MLC1: variants seen among roughly 807,000 people sequenced by gnomAD.
MLC1 encodes the protein modulator of VRAC current 1.
Under a neutral mutation model 44.7 loss-of-function variants are expected in MLC1, and 32 were observed. The observed-to-expected ratio is 0.72, with a 90% CI of 0.54 to 0.96. The LOEUF (loss-of-function observed/expected upper bound fraction) is 0.96. Among genes scored for constraint, MLC1 ranks in the 40% least tolerant of loss-of-function variants. The pLI, the probability that MLC1 is intolerant of heterozygous loss-of-function variation, is 0.00. For synonymous variants in MLC1, 190 were observed against 213.0 expected, an observed-to-expected ratio of 0.89 and a Z score of 0.94; for missense variants, 459 against 492.2, an observed-to-expected ratio of 0.93 and a Z score of 0.64.
chr22:50,073,558 C>A (rs956597755), intron 8 of MLC1, among the ~76,000 whole-genome samples: 1 of 152,102 alleles, frequency 6.6e-6, no homozygotes, highest in Non-Finnish European at 1.5e-5. Flanking sequence ...TGGCAAAACC[C>A]GGTCTCTACT....
At position 50,061,253 on chromosome 22, in the gene MLC1, G is replaced by A; in HGVS notation, c.*330C>T. On this transcript the variant is annotated 3_prime_UTR_variant, in exon 12 of 12. Coordinates refer to ENST00000311597, the MANE Select transcript of MLC1 (RefSeq NM_015166.4). ...CCAGCCCAAGCCATGAGAGAGGCAG[G>A]AAGAGGAGCTGGGGCCAGTTCAGGG... 1 of 421,118 alleles carries A rather than the reference G, an allele frequency of 2.4e-6. No individual in the cohort carries two copies. The highest frequency in any genetic ancestry group is 4.5e-6 in the Non-Finnish European group (1 of 223,960). The allele number at this position is 421,118 out of a possible 1,614,324, so 26.1% of individuals were successfully genotyped here.
At chr22:50,067,308 A>G (rs1175964321) in intron 10 of MLC1, among the ~76,000 whole-genome samples, 1 of 143,546 alleles carries the variant, frequency 7.0e-6, no homozygotes, top group Non-Finnish European at 1.5e-5. Flanking sequence ...CAGTGACTCC[A>G]TCCCCCATCA....
chr22:50,061,194 G>A lies in MLC1; in HGVS notation c.*389C>T, dbSNP rs527913554. ...GGTCAGAGTGGGCAGGAGACGCAGG[G>A]ACCCACAGTCTGGTCAGGTCCAGAG... On this transcript the variant is annotated 3_prime_UTR_variant, in exon 12 of 12. Coordinates refer to ENST00000311597, the MANE Select transcript of MLC1 (RefSeq NM_015166.4). The A allele has an allele frequency of 1.1e-3, 342 of 319,698 alleles. 4 individuals are homozygous for A. The highest frequency in any genetic ancestry group is 0.01 in the South Asian group (336 of 33,080). The allele number at this position is 319,698 out of a possible 1,614,324, so 19.8% of individuals were successfully genotyped here.
At chr22:50,074,805 C>T in intron 7 of MLC1, 1 of 210,894 alleles carries the variant, frequency 4.7e-6, no homozygotes, top group Non-Finnish European at 9.8e-6. Context: ...CTGGACGTCA[C>T]CACCCCTTTC....
Position 50,061,694 on chromosome 22 carries a change from GC to G in MLC1, c.1060-38del, listed in dbSNP as rs775050045. ...ACAGGAAAGGTGTTACTTCACCAGGGCCACCTGTGCGGCGGGAAGGTGGACA... is the reference window on the plus strand; with the variant it reads ...ACAGGAAAGGTGTTACTTCACCAGGGCACCTGTGCGGCGGGAAGGTGGACA... On this transcript the variant is annotated intron_variant, in intron 11 of 11. Transcript: ENST00000311597. The G allele has an allele frequency of 7.6e-6, 12 of 1,582,344 alleles. No individual in the cohort carries two copies. The African/African-American group carries it at 1.3e-4, about 18-fold the overall frequency.
intron 6 of MLC1, 42 bp downstream of exon 6, chr22:50,077,359 C>T (rs755454628): frequency 5.7e-6 from 9 of 1,566,548 alleles, no homozygotes; most frequent in East Asian, 2.2e-5. Context: ...TGGGGTGATG[C>T]CTCTGCACCC....
chr22:50,083,355 G>T lies in MLC1; in HGVS notation c.178-182C>A, dbSNP rs915377589. ...CCTCCTGTAGGACAGACGCAGCCCCGCCGCAGCCCAGGACATGGACCAGCC... is the reference window on the plus strand; with the variant it reads ...CCTCCTGTAGGACAGACGCAGCCCCTCCGCAGCCCAGGACATGGACCAGCC... On this transcript the variant is annotated intron_variant, in intron 2 of 11. Coordinates refer to ENST00000311597, the MANE Select transcript of MLC1 (RefSeq NM_015166.4). The surrounding 1 kb of genome is among the most constrained non-coding windows in gnomAD (Gnocchi z 4.6). Among the ~76,000 whole-genome samples, 3 of 152,032 alleles carry T rather than the reference G, an allele frequency of 2.0e-5. No individual in the cohort carries two copies. The highest frequency in any genetic ancestry group is 4.4e-5 in the Non-Finnish European group (3 of 68,006).
intron 8 of MLC1, among the ~76,000 whole-genome samples, chr22:50,072,497 C>G (rs1481456461): frequency 1.3e-5 from 2 of 152,180 alleles, no homozygotes; most frequent in Non-Finnish European, 2.9e-5. Flanking sequence ...TTTAGGGGCG[C>G]CCAGGGGGCA....
At chr22:50,076,368 A>G (rs2061980516) in intron 7 of MLC1, among the ~76,000 whole-genome samples, 1 of 152,144 alleles carries the variant, frequency 6.6e-6, no homozygotes, top group African/African-American at 2.4e-5. Context: ...CAGCCTGGCC[A>G]ACATGCCGAA....
chr22:50,079,945 T>A lies in MLC1; in HGVS notation c.396A>T (p.Lys132Asn), dbSNP rs778038540. The A allele has an allele frequency of 1.2e-6, 2 of 1,613,792 alleles. No individual in the cohort carries two copies. Among genetic ancestry groups the A allele is most frequent in the Admixed American group, 1.7e-5 (1 of 59,998 alleles). ...TTATTGCTGATGGGTTCAGGACTAGTTTGCATCCAAACCAAATTAAACACG... is the reference window on the plus strand; with the variant it reads ...TTATTGCTGATGGGTTCAGGACTAGATTGCATCCAAACCAAATTAAACACG... ...TTTCLIWFGC[K>N]LVLNPSAINI... Residue 132 changes from lysine to asparagine, a missense_variant, in exon 5 of 12, where the codon AAA (lysine) becomes AAT (asparagine). Transcript: ENST00000311597.
chr22:50,061,756 C>G (rs1452672401), intron 11 of MLC1, 99 bp from the exon 12 acceptor site: 2 of 1,116,908 alleles, frequency 1.8e-6, no homozygotes, highest in African/African-American at 3.1e-5. Flanking sequence ...AGCCAGCGTT[C>G]AGAAGTTTTC....
chr22:50,082,987 G>C, intron 3 of MLC1, 97 bp downstream of exon 3: 2 of 1,235,012 alleles, frequency 1.6e-6, no homozygotes, highest in Non-Finnish European at 2.4e-6. Flanking sequence ...TTTGAATGAG[G>C]TACAGGTGAC....
At chr22:50,074,028 T>C (rs1272270644) in intron 8 of MLC1, among the ~76,000 whole-genome samples, 188 bp downstream of exon 8, 1 of 152,178 alleles carries the variant, frequency 6.6e-6, no homozygotes, top group Non-Finnish European at 1.5e-5. Flanking sequence ...CAAACTAATA[T>C]AAAAGCAGTT....
At chr22:50,068,238 T>G (rs2061760221) in intron 10 of MLC1, among the ~76,000 whole-genome samples, 195 bp downstream of exon 10, 1 of 152,146 alleles carries the variant, frequency 6.6e-6, no homozygotes, top group African/African-American at 2.4e-5. Context: ...CAGGGCGGAA[T>G]CGAGGCCCCG....
chr22:50,070,901 A>G (rs2061836180), intron 8 of MLC1, among the ~76,000 whole-genome samples: 1 of 152,262 alleles, frequency 6.6e-6, no homozygotes, highest in Admixed American at 6.5e-5. Flanking sequence ...CTTGACATTC[A>G]TATCTGTGCT....
intron 9 of MLC1, among the ~76,000 whole-genome samples, chr22:50,069,920 G>A (rs5771351): frequency 0.12 from 18,573 of 151,892 alleles, 1,260 homozygotes; most frequent in South Asian, 0.23. Flanking sequence ...TGGCAGTTTC[G>A]GCCGGGCGTG....
chr22:50,062,349 C>A (rs1038399480), intron 11 of MLC1, among the ~76,000 whole-genome samples: 1 of 152,206 alleles, frequency 6.6e-6, no homozygotes, highest in African/African-American at 2.4e-5. Flanking sequence ...CCCCTGGGAC[C>A]AGCAGTTCTG....
At chr22:50,069,014 ACCGCGCCCG>A (rs2061786641) in intron 9 of MLC1, among the ~76,000 whole-genome samples, 1 of 149,060 alleles carries the variant, frequency 6.7e-6, no homozygotes, top group African/African-American at 2.5e-5. Flanking sequence ...GGCATGAGCC[ACCGCGCCCG>A]GCCTGCCTTT....
At chr22:50,081,817 G>A (rs895508515) in intron 3 of MLC1, among the ~76,000 whole-genome samples, 1 of 152,198 alleles carries the variant, frequency 6.6e-6, no homozygotes, top group Non-Finnish European at 1.5e-5. Context: ...AAGGCTGGGC[G>A]GGGGTGGGCA....
Sources: allele counts gnomAD v4.1 joint callset (sites outside exome capture counted in the v4.1 genomes callset), GRCh38; gene constraint gnomAD v4.1.1; non-coding constraint Gnocchi (gnomAD v3.1); transcripts MANE v1.5; gene names NCBI Gene and HGNC (gene_info 2026-07-23, HGNC 2026-07-21).